Variants in HDX observed in about 807,000 individuals in gnomAD.
HDX encodes the protein highly divergent homeobox.
HDX carries 19 observed loss-of-function variants against 45.2 expected under a neutral mutation model. That is an observed-to-expected ratio of 0.42 (90% CI 0.29 to 0.62). The LOEUF is 0.62. HDX is among the 20% of genes least tolerant of loss of function. The probability of loss-of-function intolerance (pLI) is 0.20; values close to 1 mark genes in which losing one functional copy is unlikely to be tolerated. For missense variants in HDX, 532 were observed against 493.9 expected (o/e 1.08, Z -0.73); for synonymous variants, 188 against 172.8 (o/e 1.09, Z -0.69).
intron 5 of HDX, among the ~76,000 whole-genome samples, chrX:84,377,693 A>T (rs186780903): frequency 9.0e-6 from 1 of 111,043 alleles, no homozygotes; most frequent in East Asian, 2.8e-4. Context: ...ATTTAATAAT[A>T]CACAGTCAGA....
chrX:84,381,841 A>C (rs2038196597), intron 5 of HDX, among the ~76,000 whole-genome samples: 2 of 111,077 alleles, frequency 1.8e-5, no homozygotes, highest in African/African-American at 6.5e-5. Flanking sequence ...TCAAAGCAAA[A>C]AAATGAACAA....
chrX:84,420,538 G>A (rs1009248529), intron 5 of HDX, among the ~76,000 whole-genome samples: 2 of 111,997 alleles, frequency 1.8e-5, no homozygotes, highest in African/African-American at 6.5e-5. Context: ...TGGTCTTAAA[G>A]AGAAAGTAGA....
chrX:84,442,799 T>C (rs1255735324), intron 4 of HDX, among the ~76,000 whole-genome samples: 2 of 111,040 alleles, frequency 1.8e-5, no homozygotes, highest in Non-Finnish European at 3.8e-5. Context: ...AAATTGACCA[T>C]ATAGAATTTC....
chrX:84,391,141 T>G (rs971935091), intron 5 of HDX, among the ~76,000 whole-genome samples: 4 of 111,999 alleles, frequency 3.6e-5, no homozygotes, highest in Non-Finnish European at 7.5e-5. Flanking sequence ...GCCTCTGGCA[T>G]CTGTCATTCT....
At chrX:84,338,374 T>A (rs757859509) in intron 7 of HDX, among the ~76,000 whole-genome samples, 1 of 110,417 alleles carries the variant, frequency 9.1e-6, no homozygotes, top group South Asian at 3.8e-4. Flanking sequence ...CATAATGTTA[T>A]ACACACACAC....
intron 5 of HDX, among the ~76,000 whole-genome samples, chrX:84,435,405 GTTGT>G (rs1357938572): frequency 1.8e-5 from 2 of 110,841 alleles, no homozygotes; most frequent in Non-Finnish European, 3.8e-5. Context: ...TTTTGATGGG[GTTGT>G]TTGTTTTTTT....
intron 1 of HDX, among the ~76,000 whole-genome samples, chrX:84,494,633 G>T (rs2040963172): frequency 8.9e-6 from 1 of 111,747 alleles, no homozygotes; most frequent in South Asian, 3.7e-4. Context: ...CACATATATA[G>T]TGTAGAAACA....
chrX:84,497,731 G>A (rs765646084), intron 1 of HDX, among the ~76,000 whole-genome samples: 28 of 103,846 alleles, frequency 2.7e-4, no homozygotes, highest in Admixed American at 2.1e-3. Context: ...TTACATATAC[G>A]TGTGTGTGTG....
chrX:84,452,923 G>C (rs921792223), intron 4 of HDX, among the ~76,000 whole-genome samples: 15 of 111,815 alleles, frequency 1.3e-4, no homozygotes, highest in African/African-American at 4.5e-4. Context: ...AAGATTTTAT[G>C]GCTAAGACCT....
At chrX:84,456,669 T>A (rs2040119381) in intron 4 of HDX, among the ~76,000 whole-genome samples, 1 of 109,052 alleles carries the variant, frequency 9.2e-6, no homozygotes, top group South Asian at 3.9e-4. Flanking sequence ...AGACTGAAAA[T>A]AAAGACATGA....
rs1195017480 is a variant in HDX at position 84,320,838 on chromosome X, A to G, written c.*1051T>C. Reference sequence around the variant, plus strand: ...GGTAGCTTGCCCATTTTAGGTGTGTACTCATAGAATAGTATTCATGGAATT... The same window carrying G: ...GGTAGCTTGCCCATTTTAGGTGTGTGCTCATAGAATAGTATTCATGGAATT... On this transcript the variant is annotated 3_prime_UTR_variant, in exon 11 of 11. Coordinates refer to ENST00000373177, the MANE Select transcript of HDX (RefSeq NM_001177479.2). 1 of 110,482 alleles carries G rather than the reference A, an allele frequency of 9.1e-6. No homozygotes were observed. The highest frequency in any genetic ancestry group is 1.9e-5 in the Non-Finnish European group (1 of 52,330). The allele number at this position is 110,482 out of a possible 1,213,427, so 9.1% of individuals were successfully genotyped here.
At position 84,469,393 on chromosome X, in the gene HDX, T is replaced by C. The variant is rs766645422; in HGVS notation, c.330A>G (p.Ile110Met). 3 of 1,207,396 alleles carry C rather than the reference T, an allele frequency of 2.5e-6. 1 individual carries two copies. The Admixed American group carries it at 6.6e-5, about 26-fold the overall frequency. Residue 110 changes from isoleucine (I) to methionine (M), a missense_variant, in exon 4 of 11, where the codon ATA (isoleucine) becomes ATG (methionine). By Grantham distance (10) the Ile-to-Met change is conservative (BLOSUM62 1). Coordinates refer to ENST00000373177, the MANE Select transcript of HDX (RefSeq NM_001177479.2). ...TACTTGATGAACTGGCTGGACTGTA[T>C]ATACCAGTTACAATGACATCATTAT... ...SANNDVIVTG[I>M]YSPASSSSRQ...
chrX:84,352,225 C>T (rs1157222715), intron 6 of HDX, among the ~76,000 whole-genome samples: 4 of 112,031 alleles, frequency 3.6e-5, no homozygotes, highest in African/African-American at 6.5e-5. Flanking sequence ...TCCAAAAAGA[C>T]GAATTCTTCT....
At chrX:84,417,614 C>T (rs906617901) in intron 5 of HDX, among the ~76,000 whole-genome samples, 1 of 112,207 alleles carries the variant, frequency 8.9e-6, no homozygotes, top group Non-Finnish European at 1.9e-5. Flanking sequence ...GTTCCTGGCA[C>T]AACAAAGAGG....
At chrX:84,424,720 A>G (rs2148020847) in intron 5 of HDX, among the ~76,000 whole-genome samples, 1 of 111,506 alleles carries the variant, frequency 9.0e-6, no homozygotes, top group Non-Finnish European at 1.9e-5. Context: ...AAAAGACAAT[A>G]TCTTCAATAC....
At chrX:84,433,514 A>T (rs142468518) in intron 5 of HDX, among the ~76,000 whole-genome samples, 6,711 of 110,929 alleles carry the variant, frequency 0.06, 184 homozygotes, top group South Asian at 0.16. Flanking sequence ...GAATTAATTT[A>T]TATGTTCTCT....
intron 5 of HDX, among the ~76,000 whole-genome samples, chrX:84,401,858 A>G (rs2038714167): frequency 8.9e-6 from 1 of 112,569 alleles, no homozygotes; most frequent in African/African-American, 3.2e-5. Context: ...CATATACACC[A>G]TGAAATACAT....
intron 6 of HDX, among the ~76,000 whole-genome samples, chrX:84,358,786 T>C (rs765780722): frequency 1.9e-4 from 21 of 112,084 alleles, no homozygotes; most frequent in Admixed American, 1.4e-3. Flanking sequence ...GCACTTGAAC[T>C]CTTGGGCTCA....
chrX:84,385,688 T>C (rs2038301699), intron 5 of HDX, among the ~76,000 whole-genome samples: 1 of 110,970 alleles, frequency 9.0e-6, no homozygotes, highest in Non-Finnish European at 1.9e-5. Flanking sequence ...TGCTACTAAA[T>C]TTTGTACATG....
Sources: gnomAD v4.1 joint callset for allele counts (sites outside exome capture counted in the v4.1 genomes callset) on GRCh38, gnomAD v4.1.1 for gene constraint, MANE v1.5 for transcripts, NCBI Gene and HGNC (gene_info 2026-07-23, HGNC 2026-07-21) for gene names.